Variants in MBOAT2 observed in about 807,000 individuals in gnomAD.
MBOAT2 encodes membrane-bound glycerophospholipid O-acyltransferase 2.
A neutral mutation model predicts 63.4 loss-of-function variants in MBOAT2; 28 were observed. The ratio of observed to expected loss-of-function variants is 0.44; its 90% CI spans 0.33 to 0.61. MBOAT2 has a LOEUF of 0.61. MBOAT2 is among the 20% of genes least tolerant of loss of function. The pLI is 0.03. For missense variants in MBOAT2, 470 were observed against 605.8 expected, an observed-to-expected ratio of 0.78 and a Z score of 2.35; for synonymous variants, 211 against 215.6, an observed-to-expected ratio of 0.98 and a Z score of 0.19.
intron 1 of MBOAT2, among the ~76,000 whole-genome samples, chr2:8,981,931 A>G (rs1476585797): frequency 2.0e-5 from 3 of 152,210 alleles, no homozygotes; most frequent in African/African-American, 7.2e-5. Context: ...CATTGGAAAG[A>G]GCACACAAAA....
chr2:8,906,504 T>C (rs1211728673), intron 4 of MBOAT2, among the ~76,000 whole-genome samples: 4 of 152,344 alleles, frequency 2.6e-5, no homozygotes, highest in East Asian at 3.9e-4. Flanking sequence ...TCTGGTTCCC[T>C]GAATGACTGT....
At chr2:8,897,324 T>C (rs1196764399) in intron 4 of MBOAT2, among the ~76,000 whole-genome samples, 2 of 152,156 alleles carry the variant, frequency 1.3e-5, no homozygotes, top group African/African-American at 4.8e-5. Flanking sequence ...GCTGCTGTTC[T>C]CCCCTCTCCT....
intron 1 of MBOAT2, 118 bp from the exon 2 acceptor site, chr2:8,958,760 T>C: frequency 1.8e-6 from 2 of 1,095,986 alleles, no homozygotes; most frequent in Non-Finnish European, 2.5e-6. Flanking sequence ...ACCTTCCAAG[T>C]TAACAAAACA....
At chr2:8,948,909 T>C (rs1364547980) in intron 2 of MBOAT2, among the ~76,000 whole-genome samples, 2 of 152,194 alleles carry the variant, frequency 1.3e-5, no homozygotes, top group Non-Finnish European at 2.9e-5. Context: ...CTTTAAGAAA[T>C]CTGCAAACTG....
chr2:8,855,086 T>A lies in MBOAT2; in HGVS notation c.*3593A>T, dbSNP rs1322910117. On this transcript the variant is annotated 3_prime_UTR_variant, in exon 13 of 13. Transcript: ENST00000305997. ...TGCCAGTAGAAAAAGTATGTTGCCA[T>A]GCCTTCTGATTTAAGGGATTCAGAG... 1 of 152,246 alleles carries A rather than the reference T, an allele frequency of 6.6e-6. No individual in the cohort carries two copies. Among genetic ancestry groups the A allele is most frequent in the African/African-American group, 2.4e-5 (1 of 41,466 alleles). The allele number at this position is 152,246 out of a possible 1,614,324, so 9.4% of individuals were successfully genotyped here.
intron 3 of MBOAT2, among the ~76,000 whole-genome samples, chr2:8,923,598 C>T (rs920012653): frequency 2.0e-5 from 3 of 152,106 alleles, no homozygotes; most frequent in Admixed American, 6.6e-5. Context: ...TTCTTTGCTA[C>T]AATACCTGCT....
At chr2:8,889,127 G>T (rs543294627) in intron 4 of MBOAT2, among the ~76,000 whole-genome samples, 1 of 152,156 alleles carries the variant, frequency 6.6e-6, no homozygotes, top group Non-Finnish European at 1.5e-5. Flanking sequence ...CCAAGGAAAG[G>T]GGCCAGGAGG....
intron 3 of MBOAT2, among the ~76,000 whole-genome samples, chr2:8,917,363 G>A (rs1160482323): frequency 6.6e-6 from 1 of 151,754 alleles, no homozygotes; most frequent in Admixed American, 6.6e-5. Flanking sequence ...ATCTGACAAA[G>A]GACTTATATC....
chr2:8,893,621 T>C (rs578174121), intron 4 of MBOAT2, among the ~76,000 whole-genome samples: 1 of 152,256 alleles, frequency 6.6e-6, no homozygotes, highest in African/African-American at 2.4e-5. Flanking sequence ...GACCTAATAA[T>C]CAAAAGGGAA....
At chr2:8,933,248 T>C (rs1336505211) in intron 3 of MBOAT2, among the ~76,000 whole-genome samples, 1 of 152,248 alleles carries the variant, frequency 6.6e-6, no homozygotes, top group Non-Finnish European at 1.5e-5. Context: ...AGTAATATTC[T>C]TATTTTAAGT....
chr2:8,958,694 A>T, intron 1 of MBOAT2, 52 bp from the exon 2 acceptor site: 1 of 1,420,804 alleles, frequency 7.0e-7, no homozygotes. Flanking sequence ...TGAATTTTTC[A>T]TATCATGTTA....
intron 4 of MBOAT2, among the ~76,000 whole-genome samples, chr2:8,896,862 T>G (rs1664517345): frequency 6.6e-6 from 1 of 152,212 alleles, no homozygotes. Context: ...AGGGAGTTCC[T>G]CCTATGCCTG....
At position 9,003,386 on chromosome 2, in the gene MBOAT2, T is replaced by A. The variant is rs1480472887; in HGVS notation, c.75+154A>T. On this transcript the variant is annotated intron_variant, in intron 1 of 12. Coordinates refer to ENST00000305997, the MANE Select transcript of MBOAT2 (RefSeq NM_138799.4). This position sits in a 1 kb window ranked among gnomAD's most constrained non-coding sequence, Gnocchi z 5.4. ...AGGGGGCTCTGGGACAATAACCGGC[T>A]TGTTGCCCCCTCCCTTCCAGGGAGC... 6.6e-6 allele frequency among the ~76,000 whole-genome samples: 1 copy of A among 151,514 alleles called. No individual in the cohort carries two copies. The highest frequency in any genetic ancestry group is 1.5e-5 in the Non-Finnish European group (1 of 67,804).
intron 1 of MBOAT2, among the ~76,000 whole-genome samples, chr2:8,978,686 A>G (rs114196478): frequency 1.7e-3 from 258 of 152,282 alleles, no homozygotes; most frequent in African/African-American, 5.8e-3. Context: ...GAGCGGAGAG[A>G]GAGCATTAGG....
chr2:8,994,483 T>C (rs870250), intron 1 of MBOAT2, among the ~76,000 whole-genome samples: 355 of 152,300 alleles, frequency 2.3e-3, no homozygotes, highest in African/African-American at 8.3e-3. Context: ...GGGCTTCTGC[T>C]GTACAGAAAC....
intron 1 of MBOAT2, among the ~76,000 whole-genome samples, chr2:8,996,943 A>C (rs976247538): frequency 2.6e-5 from 4 of 152,196 alleles, no homozygotes; most frequent in African/African-American, 9.7e-5. Flanking sequence ...TGGGATTCAG[A>C]AAAAGATTCG....
chr2:8,967,812 A>T lies in MBOAT2; in HGVS notation c.76-9170T>A, dbSNP rs114992225. Among the ~76,000 whole-genome samples the T allele has an allele frequency of 6.6e-4, 100 of 152,336 alleles. 1 individual carries two copies. The highest frequency in any genetic ancestry group is 2.3e-3 in the African/African-American group (96 of 41,582). ...TGAGTATAACACAAACTTTGGAAAC[A>T]ATAAAAAAAATTAGATACAACTTCA... On this transcript the variant is annotated intron_variant, in intron 1 of 12. Transcript: ENST00000305997.
chr2:8,855,018 A>T lies in MBOAT2; in HGVS notation c.*3661T>A, dbSNP rs1398440875. On this transcript the variant is annotated 3_prime_UTR_variant, in exon 13 of 13. Transcript: ENST00000305997. ...AGCAAAAGGAAAACATGTTTTCTTC[A>T]GCAGAGACTATTTCATTATGAAACA... The T allele has an allele frequency of 7.9e-5, 12 of 152,278 alleles. No homozygotes were observed. Among genetic ancestry groups the T allele is most frequent in the Admixed American group, 7.8e-4 (12 of 15,290 alleles). The allele number at this position is 152,278 out of a possible 1,614,324, so 9.4% of individuals were successfully genotyped here. A position where few individuals can be genotyped will look rare whatever the true frequency, so the allele number is the denominator to read the frequency against.
At chr2:8,951,257 T>G (rs937595699) in intron 2 of MBOAT2, among the ~76,000 whole-genome samples, 39 of 150,764 alleles carry the variant, frequency 2.6e-4, no homozygotes, top group Admixed American at 1.3e-3. Flanking sequence ...CAGGCTGGAG[T>G]ACAGTGGCAT....
Sources: gnomAD v4.1 joint callset for allele counts (sites outside exome capture counted in the v4.1 genomes callset) on GRCh38, gnomAD v4.1.1 for gene constraint, Gnocchi (gnomAD v3.1) non-coding constraint, MANE v1.5 for transcripts, NCBI Gene and HGNC (gene_info 2026-07-23, HGNC 2026-07-21) for gene names.